PCNX2: variants seen among roughly 807,000 people sequenced by gnomAD.
PCNX2 encodes pecanex 2.
A neutral mutation model predicts 223.8 loss-of-function variants in PCNX2; 168 were observed. The ratio of observed to expected loss-of-function variants is 0.75; its 90% confidence interval spans 0.66 to 0.85. The LOEUF (loss-of-function observed/expected upper bound fraction) is 0.85. PCNX2 is among the 40% of genes least tolerant of loss of function. PCNX2 has a pLI of 0.00. For missense variants in PCNX2, 2,507 were observed against 2,675.5 expected, an observed-to-expected ratio of 0.94 and a Z score of 1.39; for synonymous variants, 1,006 against 1,052.6, an observed-to-expected ratio of 0.96 and a Z score of 0.86.
At chr1:233,170,280 T>C (rs1679073221) in intron 17 of PCNX2, among the ~76,000 whole-genome samples, 1 of 152,188 alleles carries the variant, frequency 6.6e-6, no homozygotes, top group Non-Finnish European at 1.5e-5. Context: ...TACATGAGAA[T>C]TCTCTTGCTC....
rs1254995341 is a variant in PCNX2, at chr1:233,017,172, G to GCTATTCTAAAGCCAA, written c.4606-19_4606-18insTTGGCTTTAGAATAG. 6.6e-7 allele frequency: 1 copy of GCTATTCTAAAGCCAA among 1,525,822 alleles called. No homozygotes were observed. Among genetic ancestry groups the GCTATTCTAAAGCCAA allele is most frequent in the East Asian group, 2.3e-5 (1 of 43,466 alleles). 94.5% of individuals were successfully genotyped at this position (1,525,822 alleles called of 1,614,324 possible). A position where few individuals can be genotyped will look rare whatever the true frequency, so the allele number is the denominator to read the frequency against. ...ATTATACTCTGCAGAGAAAAAGCCA[G>GCTATTCTAAAGCCAA]GAAGATTTTATTTATTAATTTAATC... On this transcript the variant is annotated intron_variant, in intron 26 of 33. Coordinates refer to ENST00000258229, the MANE Select transcript of PCNX2 (RefSeq NM_014801.4).
intron 8 of PCNX2, among the ~76,000 whole-genome samples, chr1:233,248,642 A>C (rs1325168030): frequency 2.0e-5 from 3 of 152,142 alleles, no homozygotes; most frequent in African/African-American, 7.2e-5. Context: ...CTGTTCAGTT[A>C]CATCACCGCA....
chr1:233,000,309 A>T lies in PCNX2; in HGVS notation c.5324T>A (p.Ile1775Asn), dbSNP rs763915527. Residue 1775 changes from isoleucine (I) to asparagine (N), a missense_variant, in exon 30 of 34, where the codon ATC (isoleucine) becomes AAC (asparagine). By Grantham distance (149) the Ile-to-Asn change is moderately radical. This residue lies in a region of PCNX2 where 1,372 missense variants were observed against 1,509.4 expected (regional missense o/e 0.91). Transcript: ENST00000258229. The surrounding 1 kb of genome is among the most constrained non-coding windows in gnomAD (Gnocchi z 4.6). ...LHRSFLSFKV[I>N]KVNKECVRGL... ...CAGAAAGTGTGGCCGCCATACCTTG[A>T]TCACCTTGAAGCTCAGGAAGCTTCT... The T allele has an allele frequency of 6.2e-7, 1 of 1,613,948 alleles. No homozygotes were observed. The highest frequency in any genetic ancestry group is 8.5e-7 in the Non-Finnish European group (1 of 1,179,876).
At chr1:233,092,924 C>G (rs532946961) in intron 22 of PCNX2, among the ~76,000 whole-genome samples, 8 of 152,216 alleles carry the variant, frequency 5.3e-5, no homozygotes, top group South Asian at 2.1e-4. Flanking sequence ...TCAGCCTCCC[C>G]AGTAGCTGGG....
At chr1:233,286,948 T>C (rs906385794) in intron 1 of PCNX2, among the ~76,000 whole-genome samples, 2 of 152,236 alleles carry the variant, frequency 1.3e-5, no homozygotes, top group African/African-American at 4.8e-5. Context: ...GAACTGCACA[T>C]TCTGCGATCT....
At chr1:233,014,593 T>C (rs1670583475) in intron 28 of PCNX2, 72 bp downstream of exon 28, 14 of 1,192,078 alleles carry the variant, frequency 1.2e-5, no homozygotes, top group African/African-American at 1.5e-5. Context: ...AAGGAAATGA[T>C]TGACAAAATC....
chr1:233,009,065 T>C (rs1329523076), intron 28 of PCNX2, among the ~76,000 whole-genome samples: 1 of 152,014 alleles, frequency 6.6e-6, no homozygotes, highest in Non-Finnish European at 1.5e-5. Context: ...GACTCTGGAG[T>C]CTGGGCATGA....
intron 10 of PCNX2, among the ~76,000 whole-genome samples, chr1:233,222,795 C>T (rs577108875): frequency 9.7e-4 from 148 of 152,244 alleles, no homozygotes; most frequent in African/African-American, 3.5e-3. Flanking sequence ...GTTTTCATCA[C>T]CTGAGATGGG....
chr1:233,048,991 A>G (rs1462811573), intron 25 of PCNX2, among the ~76,000 whole-genome samples: 1 of 152,182 alleles, frequency 6.6e-6, no homozygotes, highest in African/African-American at 2.4e-5. Flanking sequence ...ACCAATATTG[A>G]GTTCTGAAAT....
chr1:233,084,978 C>T (rs548957642), intron 23 of PCNX2, among the ~76,000 whole-genome samples: 3 of 152,302 alleles, frequency 2.0e-5, no homozygotes, highest in African/African-American at 7.2e-5. Flanking sequence ...CCCCAGCAAA[C>T]GTGAAGCCAG....
Position 233,071,032 on chromosome 1 carries a change from T to A in PCNX2, c.4077-13742A>T, listed in dbSNP as rs557989464. 3.8e-3 allele frequency among the ~76,000 whole-genome samples: 575 copies of A among 152,026 alleles called. 4 individuals carry two copies. The highest frequency in any genetic ancestry group is 0.014 in the African/African-American group (560 of 41,456). On this transcript the variant is annotated intron_variant, in intron 23 of 33. Coordinates refer to ENST00000258229, the MANE Select transcript of PCNX2 (RefSeq NM_014801.4). ...GCCTGGGCGACAGAGCAAGACTCCG[T>A]CACAAAAAATAAAAATAAAAAAATA...
chr1:233,112,058 C>T (rs1220827935), intron 21 of PCNX2, among the ~76,000 whole-genome samples: 1 of 152,200 alleles, frequency 6.6e-6, no homozygotes, highest in Non-Finnish European at 1.5e-5. Context: ...TTTATAGTAA[C>T]TATCTCAGTC....
chr1:233,113,792 T>A (rs1021731066), intron 21 of PCNX2, among the ~76,000 whole-genome samples: 1 of 152,244 alleles, frequency 6.6e-6, no homozygotes, highest in African/African-American at 2.4e-5. Context: ...AAATGTGTTT[T>A]GCCTATGCAG....
intron 20 of PCNX2, among the ~76,000 whole-genome samples, chr1:233,136,015 A>G (rs567026723): frequency 3.6e-4 from 55 of 152,338 alleles, no homozygotes; most frequent in Non-Finnish European, 6.3e-4. Context: ...CATGTGTACA[A>G]TTCTCCAGAT....
At position 232,991,556 on chromosome 1, in the gene PCNX2, G is replaced by A. The variant is rs1036473197; in HGVS notation, c.5792-5016C>T. 9.9e-5 allele frequency among the ~76,000 whole-genome samples: 15 copies of A among 152,062 alleles called. No homozygotes were observed. Among genetic ancestry groups the A allele is most frequent in the African/African-American group, 1.4e-4 (6 of 41,390 alleles). On this transcript the variant is annotated intron_variant, in intron 32 of 33. Coordinates refer to ENST00000258229, the MANE Select transcript of PCNX2 (RefSeq NM_014801.4). This position sits in a 1 kb window ranked among gnomAD's most constrained non-coding sequence, Gnocchi z 4.3. ...TGGGGCCTTACTTTGACACAGGGTC[G>A]TTGCAAATGTCATTAGTTAAGATGA...
At chr1:233,294,268 A>G (rs1284295335) in intron 1 of PCNX2, among the ~76,000 whole-genome samples, 3 of 152,210 alleles carry the variant, frequency 2.0e-5, no homozygotes, top group African/African-American at 7.2e-5. Context: ...TAAATCTGGT[A>G]CTATTACTTT....
intron 12 of PCNX2, among the ~76,000 whole-genome samples, chr1:233,215,269 CA>C (rs1423793054): frequency 1.3e-5 from 2 of 152,168 alleles, no homozygotes; most frequent in Non-Finnish European, 2.9e-5. Flanking sequence ...TTATAGCTAC[CA>C]TATTTTGTTT....
chr1:233,075,522 G>A (rs758923414), intron 23 of PCNX2, among the ~76,000 whole-genome samples: 2 of 152,064 alleles, frequency 1.3e-5, no homozygotes, highest in African/African-American at 4.8e-5. Flanking sequence ...TGTTTGTTAC[G>A]TGTCACTAAT....
At chr1:233,325,350 C>T in the PCNX2 span, among the ~76,000 whole-genome samples, 3 of 151,948 alleles carry the variant, frequency 2.0e-5, no homozygotes, top group Admixed American at 1.3e-4. Context: ...AAATAGCAAG[C>T]GAACTGGAAT....
Sources: allele counts gnomAD v4.1 joint callset (sites outside exome capture counted in the v4.1 genomes callset), GRCh38; gene constraint gnomAD v4.1.1; regional missense constraint gnomAD v4.1.1; non-coding constraint Gnocchi (gnomAD v3.1); transcripts MANE v1.5; gene names NCBI Gene and HGNC (gene_info 2026-07-23, HGNC 2026-07-21).